The following ATG7 variants were observed in gnomAD, a reference collection of about 807,000 sequenced individuals.
ATG7 encodes the protein autophagy related 7, also known as ubiquitin-like modifier-activating enzyme ATG7.
In ATG7, 70 loss-of-function variants were observed where a neutral mutation model predicts 82.4. The ratio of observed to expected loss-of-function variants is 0.85; its 90% confidence interval spans 0.70 to 1.04. The LOEUF is 1.04. ATG7 is among the 50% of genes least tolerant of loss of function. The pLI, the probability that ATG7 is intolerant of heterozygous loss-of-function variation, is 0.00. For synonymous variants in ATG7, 287 were observed against 313.0 expected (o/e 0.92, Z 0.88); for missense variants, 792 against 864.3 (o/e 0.92, Z 1.05).
At chr3:11,573,561 G>A in the ATG7 span, among the ~76,000 whole-genome samples, 5 of 152,096 alleles carry the variant, frequency 3.3e-5, no homozygotes, top group Non-Finnish European at 5.9e-5. Flanking sequence ...TCCCTCCGAC[G>A]GCCATGGCTG....
intron 18 of ATG7, among the ~76,000 whole-genome samples, chr3:11,375,772 C>A (rs2077372328): frequency 6.6e-6 from 1 of 152,312 alleles, no homozygotes; most frequent in Non-Finnish European, 1.5e-5. Flanking sequence ...GTTTGCCAGG[C>A]TGGTCTTGAA....
chr3:11,299,062 A>G, intron 4 of ATG7: 1 of 627,460 alleles, frequency 1.6e-6, no homozygotes, highest in Non-Finnish European at 2.7e-6. Context: ...AGAGTAGTGA[A>G]ACTCAAATTA....
At chr3:11,480,273 G>A (rs1319794771) in intron 20 of ATG7, among the ~76,000 whole-genome samples, 4 of 152,058 alleles carry the variant, frequency 2.6e-5, no homozygotes, top group South Asian at 2.1e-4. Context: ...GGTGGCTTAT[G>A]CCTGTAATGC....
At chr3:11,418,035 T>C (rs1053413494) in intron 19 of ATG7, among the ~76,000 whole-genome samples, 2 of 151,496 alleles carry the variant, frequency 1.3e-5, no homozygotes, top group South Asian at 4.2e-4. Flanking sequence ...ATGGTCTCGA[T>C]CTCCTAACCT....
the ATG7 span, among the ~76,000 whole-genome samples, chr3:11,565,287 CTG>C: frequency 1.3e-5 from 2 of 152,094 alleles, no homozygotes; most frequent in African/African-American, 2.4e-5. The surrounding 1 kb of genome is among the most constrained non-coding windows in gnomAD (Gnocchi z 4.1). Context: ...CTGCCTGACT[CTG>C]TGTTCACTTC....
chr3:11,289,282 A>C (rs865864617), intron 3 of ATG7, among the ~76,000 whole-genome samples: 2 of 152,198 alleles, frequency 1.3e-5, no homozygotes, highest in African/African-American at 4.8e-5. Context: ...AACTCTGTCT[A>C]TGACTCACTT....
At chr3:11,279,934 C>G (rs1240354589) in intron 1 of ATG7, among the ~76,000 whole-genome samples, 1 of 133,782 alleles carries the variant, frequency 7.5e-6, no homozygotes, top group Admixed American at 7.8e-5. Context: ...AGGTGGGGAC[C>G]ATAGTTTTTT....
At chr3:11,396,032 C>A (rs1369056020) in intron 19 of ATG7, among the ~76,000 whole-genome samples, 6 of 150,130 alleles carry the variant, frequency 4.0e-5, no homozygotes, top group Non-Finnish European at 7.4e-5. Flanking sequence ...CAGAGTCCAC[C>A]ACTAGCATGT....
intron 20 of ATG7, among the ~76,000 whole-genome samples, chr3:11,480,548 A>T (rs2088834538): frequency 6.6e-6 from 1 of 152,146 alleles, no homozygotes; most frequent in Non-Finnish European, 1.5e-5. Flanking sequence ...AGCCTGGGCA[A>T]CAAAGTATGA....
chr3:11,426,676 C>A, intron 19 of ATG7, 128 bp from the exon 20 acceptor site: 1 of 898,828 alleles, frequency 1.1e-6, no homozygotes, highest in Non-Finnish European at 1.5e-6. Context: ...CACTAGATTG[C>A]ATTATTATCC....
chr3:11,545,149 G>A (rs908162337), intron 20 of ATG7, among the ~76,000 whole-genome samples: 1 of 152,172 alleles, frequency 6.6e-6, no homozygotes, highest in African/African-American at 2.4e-5. Context: ...CAGAGAGAGG[G>A]TGCCGGGGTG....
intron 19 of ATG7, 141 bp downstream of exon 19, chr3:11,380,193 CTT>C (rs1178865314): frequency 2.8e-6 from 2 of 717,440 alleles, no homozygotes; most frequent in African/African-American, 3.6e-5. Flanking sequence ...TCAGAAAGGA[CTT>C]TGTTTTCATG....
At chr3:11,364,448 C>T (rs754282419) in intron 17 of ATG7, among the ~76,000 whole-genome samples, 3 of 152,222 alleles carry the variant, frequency 2.0e-5, no homozygotes, top group African/African-American at 4.8e-5. Context: ...CCTATGGTCA[C>T]AAGCTCAGGT....
intron 20 of ATG7, among the ~76,000 whole-genome samples, chr3:11,483,536 A>G (rs73812463): frequency 3.5e-4 from 54 of 152,332 alleles, no homozygotes; most frequent in African/African-American, 1.2e-3. Flanking sequence ...AATGTCAAGC[A>G]TGTTGAATTG....
chr3:11,383,284 GT>G (rs1364079974), intron 19 of ATG7, among the ~76,000 whole-genome samples: 2 of 151,988 alleles, frequency 1.3e-5, no homozygotes, highest in Non-Finnish European at 2.9e-5. Context: ...TAACTTCAGT[GT>G]TTTGATATTT....
chr3:11,332,938 T>A (rs1250322683), intron 10 of ATG7, 34 bp from the exon 11 acceptor site: 20 of 1,408,500 alleles, frequency 1.4e-5, no homozygotes, highest in Admixed American at 3.3e-5. Context: ...TAAAAAAAAA[T>A]AATAAATAAA....
At chr3:11,297,251 G>C (rs919322490) in intron 3 of ATG7, among the ~76,000 whole-genome samples, 1 of 152,086 alleles carries the variant, frequency 6.6e-6, no homozygotes, top group Admixed American at 6.5e-5. Flanking sequence ...TCAGCCACTC[G>C]GGAGGCTGAG....
Position 11,319,402 on chromosome 3 carries a change from A to G in ATG7, c.678+3909A>G, listed in dbSNP as rs1949903126. Among the ~76,000 whole-genome samples, 2 of 152,000 alleles carry G rather than the reference A, an allele frequency of 1.3e-5. 1 individual carries two copies. The highest frequency in any genetic ancestry group is 2.9e-5 in the Non-Finnish European group (2 of 67,994). On this transcript the variant is annotated intron_variant, in intron 9 of 20. Coordinates refer to ENST00000693202, the MANE Select transcript of ATG7 (RefSeq NM_001349232.2). ...TCTGCCCCCTCCTCCTCCTACCAGC[A>G]CTTTGTTCCCTGAAAAGTCACTGCT...
chr3:11,459,891 C>G (rs538375737), intron 20 of ATG7, among the ~76,000 whole-genome samples: 1 of 152,104 alleles, frequency 6.6e-6, no homozygotes, highest in Non-Finnish European at 1.5e-5. Context: ...CTATTCTAAC[C>G]GTATTAACAT....
Sources: gnomAD v4.1 joint callset for allele counts (sites outside exome capture counted in the v4.1 genomes callset) on GRCh38, gnomAD v4.1.1 for gene constraint, Gnocchi (gnomAD v3.1) non-coding constraint, MANE v1.5 for transcripts, NCBI Gene and HGNC (gene_info 2026-07-23, HGNC 2026-07-21) for gene names.